USP24: variants seen among roughly 807,000 people sequenced by gnomAD.
The protein encoded by USP24 is ubiquitin specific peptidase 24.
In USP24, 97 loss-of-function variants were observed where a neutral mutation model predicts 361.6. The ratio of observed to expected loss-of-function variants is 0.27; its 90% confidence interval spans 0.23 to 0.32. The LOEUF is 0.32. Among genes scored for constraint, USP24 ranks in the 10% least tolerant of loss-of-function variants. The pLI is 1.00. For synonymous variants in USP24, 1,098 were observed against 1,124.6 expected (o/e 0.98, Z 0.47); for missense variants, 2,353 against 3,165.6 (o/e 0.74, Z 6.16).
chr1:55,129,817 T>C (rs955907908), intron 31 of USP24, among the ~76,000 whole-genome samples: 1 of 152,208 alleles, frequency 6.6e-6, no homozygotes, highest in African/African-American at 2.4e-5. Context: ...TTCATGAAAC[T>C]GGCAAACATG....
intron 32 of USP24, among the ~76,000 whole-genome samples, chr1:55,129,267 G>T (rs897562819): frequency 1.2e-4 from 19 of 152,130 alleles, no homozygotes; most frequent in African/African-American, 4.3e-4. Context: ...AGGGGAAAGA[G>T]ACATGCTTCC....
intron 1 of USP24, among the ~76,000 whole-genome samples, chr1:55,185,824 C>T (rs868036704): frequency 6.6e-6 from 1 of 152,098 alleles, no homozygotes; most frequent in African/African-American, 2.4e-5. Flanking sequence ...CCAGCTCAGG[C>T]TTCCAAAGTT....
intron 42 of USP24, among the ~76,000 whole-genome samples, chr1:55,103,271 T>C (rs1406744125): frequency 2.6e-5 from 4 of 152,224 alleles, no homozygotes; most frequent in African/African-American, 7.2e-5. Flanking sequence ...TTTCAGCTCC[T>C]CTAAGAAGCC....
intron 55 of USP24, among the ~76,000 whole-genome samples, chr1:55,087,319 GAT>G (rs1319983688): frequency 6.6e-6 from 1 of 152,142 alleles, no homozygotes; most frequent in Non-Finnish European, 1.5e-5. Flanking sequence ...AATTCACTGG[GAT>G]TCTTGAGCAT....
chr1:55,209,330 A>G (rs1644794299), intron 1 of USP24, among the ~76,000 whole-genome samples: 1 of 152,168 alleles, frequency 6.6e-6, no homozygotes, highest in South Asian at 2.1e-4. Context: ...CTTCTTAAGC[A>G]GACCACACTG....
intron 1 of USP24, among the ~76,000 whole-genome samples, chr1:55,182,105 G>A (rs1353919293): frequency 6.6e-6 from 1 of 152,218 alleles, no homozygotes; most frequent in Non-Finnish European, 1.5e-5. Flanking sequence ...AGGCTGGAGT[G>A]TAGTGGCACA....
At chr1:55,148,289 C>G (rs1022434311) in intron 17 of USP24, among the ~76,000 whole-genome samples, 174 bp downstream of exon 17, 29 of 141,270 alleles carry the variant, frequency 2.1e-4, no homozygotes, top group Non-Finnish European at 4.0e-4. Flanking sequence ...AAAAAAAAAG[C>G]TCTGCAGAAA....
intron 21 of USP24, among the ~76,000 whole-genome samples, chr1:55,143,786 A>C (rs1646953775): frequency 6.6e-6 from 1 of 152,066 alleles, no homozygotes; most frequent in Non-Finnish European, 1.5e-5. Flanking sequence ...GTACATGTGA[A>C]TTGCTGGATC....
At chr1:55,141,803 T>G in intron 23 of USP24, 72 bp from the exon 24 acceptor site, 1 of 1,403,048 alleles carries the variant, frequency 7.1e-7, no homozygotes, top group East Asian at 2.5e-5. Context: ...CTGGACAGGA[T>G]AATTTGCTGT....
chr1:55,152,016 G>A (rs1349351413), intron 16 of USP24: 39 of 984,190 alleles, frequency 4.0e-5, no homozygotes, highest in Non-Finnish European at 4.2e-5. Flanking sequence ...ACCTTTAGTG[G>A]AAGTAAATAA....
At chr1:55,193,255 A>G (rs978844067) in intron 1 of USP24, among the ~76,000 whole-genome samples, 2 of 152,142 alleles carry the variant, frequency 1.3e-5, no homozygotes, top group African/African-American at 4.8e-5. Context: ...ATACTAAGCC[A>G]TTTTATATAA....
rs1644870806 is a variant in USP24 at position 55,069,252 on chromosome 1, C to T, written c.7801-145G>A. The T allele has an allele frequency of 5.5e-6, 4 of 730,176 alleles. No individual in the cohort carries two copies. The Admixed American group carries it at 7.3e-5, about 13-fold the overall frequency. The allele number at this position is 730,176 out of a possible 1,614,324, so 45.2% of individuals were successfully genotyped here. On this transcript the variant is annotated intron_variant, in intron 67 of 67. Coordinates refer to ENST00000294383, the MANE Select transcript of USP24 (RefSeq NM_015306.3). ...GGGTAATAAAATGTGATAACTATTA[C>T]ATCTAATATTTGACAATTCATGATT...
intron 16 of USP24, among the ~76,000 whole-genome samples, chr1:55,151,312 C>CA (rs1357929397): frequency 6.6e-6 from 1 of 152,190 alleles, no homozygotes; most frequent in Non-Finnish European, 1.5e-5. Flanking sequence ...CTTGGGAGGA[C>CA]AATTTCTAAA....
chr1:55,110,655 T>C (rs2100550678), intron 38 of USP24, among the ~76,000 whole-genome samples: 1 of 152,190 alleles, frequency 6.6e-6, no homozygotes, highest in Non-Finnish European at 1.5e-5. Flanking sequence ...ATTTGTCAAG[T>C]GGTAATATGC....
chr1:55,171,223 A>G (rs1649410674), intron 5 of USP24, among the ~76,000 whole-genome samples: 1 of 152,212 alleles, frequency 6.6e-6, no homozygotes, highest in Non-Finnish European at 1.5e-5. Flanking sequence ...ACAAGTAATC[A>G]TTTTAAATGC....
Position 55,152,080 on chromosome 1 carries a change from C to A in USP24, c.1860+1790G>T, listed in dbSNP as rs776240373. ...GGGGGCTTTGATCTTCCCACTGCCC[C>A]CCTTCAGCAATGTGTACTTTGTAAA... On this transcript the variant is annotated intron_variant, in intron 16 of 67. Coordinates refer to ENST00000294383, the MANE Select transcript of USP24 (RefSeq NM_015306.3). 48 of 705,192 alleles carry A rather than the reference C, an allele frequency of 6.8e-5. No individual in the cohort carries two copies. The Admixed American group carries it at 1.0e-3, about 15-fold the overall frequency. 43.7% of individuals were successfully genotyped at this position (705,192 alleles called of 1,614,324 possible).
At chr1:55,096,751 G>GT in intron 49 of USP24, 129 bp from the exon 50 acceptor site, 5 of 1,405,682 alleles carry the variant, frequency 3.6e-6, no homozygotes, top group Non-Finnish European at 4.8e-6. Context: ...TAAGAAATAT[G>GT]TAGCAACAAT....
At chr1:55,121,337 A>T in intron 37 of USP24, 99 bp downstream of exon 37, 1 of 1,099,696 alleles carries the variant, frequency 9.1e-7, no homozygotes, top group Non-Finnish European at 1.3e-6. Flanking sequence ...AGAGCACTCA[A>T]TGCCACTCCT....
At chr1:55,105,501 T>C (rs1264643314) in intron 41 of USP24, among the ~76,000 whole-genome samples, 2 of 152,172 alleles carry the variant, frequency 1.3e-5, no homozygotes, top group Non-Finnish European at 2.9e-5. Flanking sequence ...AAATAGTTTC[T>C]TCAGGATTAC....
Sources: gnomAD v4.1 joint callset for allele counts (sites outside exome capture counted in the v4.1 genomes callset) on GRCh38, gnomAD v4.1.1 for gene constraint, MANE v1.5 for transcripts, NCBI Gene and HGNC (gene_info 2026-07-23, HGNC 2026-07-21) for gene names.